The following UTS2B variants were observed in gnomAD, a reference collection of about 807,000 sequenced individuals.
The protein encoded by UTS2B is urotensin-2B.
In UTS2B, 21 loss-of-function variants were observed where a neutral mutation model predicts 19.2. That is an observed-to-expected ratio of 1.09 (90% CI 0.78 to 1.58). The LOEUF (loss-of-function observed/expected upper bound fraction) is 1.58. Ranked by LOEUF, UTS2B falls within the 40% of genes most tolerant of loss-of-function variation. UTS2B has a pLI of 0.00. For synonymous variants in UTS2B, 57 were observed against 50.2 expected, an observed-to-expected ratio of 1.14 and a Z score of -0.58; for missense variants, 138 against 130.3, an observed-to-expected ratio of 1.06 and a Z score of -0.29.
intron 3 of UTS2B, among the ~76,000 whole-genome samples, chr3:191,307,729 C>G (rs1456469560): frequency 6.6e-6 from 1 of 152,194 alleles, no homozygotes; most frequent in East Asian, 1.9e-4. Flanking sequence ...GGAATCTCCT[C>G]AAGTTTGTTC....
At chr3:191,304,844 GC>G (rs1324890122) in intron 3 of UTS2B, among the ~76,000 whole-genome samples, 1 of 151,884 alleles carries the variant, frequency 6.6e-6, no homozygotes, top group African/African-American at 2.4e-5. Context: ...CCTCCAACAG[GC>G]CCCAGTGTGT....
intron 4 of UTS2B, among the ~76,000 whole-genome samples, chr3:191,284,293 G>C (rs1468714843): frequency 6.6e-6 from 1 of 151,890 alleles, no homozygotes; most frequent in Non-Finnish European, 1.5e-5. Context: ...ACTGTCTTTT[G>C]ATAAGGTTGA....
At chr3:191,300,958 A>C (rs1310119200) in intron 4 of UTS2B, among the ~76,000 whole-genome samples, 1 of 152,224 alleles carries the variant, frequency 6.6e-6, no homozygotes, top group Non-Finnish European at 1.5e-5. Context: ...TCAGGTATTT[A>C]TTTATAGCAG....
intron 3 of UTS2B, among the ~76,000 whole-genome samples, chr3:191,305,835 T>C (rs992377576): frequency 6.6e-6 from 1 of 152,216 alleles, no homozygotes; most frequent in Non-Finnish European, 1.5e-5. Flanking sequence ...TGAGTTAATT[T>C]TTGTGTACGC....
intron 8 of UTS2B, among the ~76,000 whole-genome samples, chr3:191,270,748 G>T (rs143161556): frequency 0.019 from 2,944 of 152,246 alleles, 32 homozygotes; most frequent in Middle Eastern, 0.031. Flanking sequence ...GAAGTTCTCA[G>T]TCCTCATTTT....
the UTS2B span, among the ~76,000 whole-genome samples, chr3:191,340,010 A>G: frequency 1.3e-5 from 2 of 152,228 alleles, no homozygotes; most frequent in African/African-American, 2.4e-5. Context: ...CCCTAGATGA[A>G]TAGGCTTCAG....
the UTS2B span, among the ~76,000 whole-genome samples, chr3:191,341,573 A>G: frequency 6.6e-6 from 1 of 152,102 alleles, no homozygotes; most frequent in Non-Finnish European, 1.5e-5. Context: ...CATCCTCCTC[A>G]CTGGAGTCTC....
chr3:191,334,878 C>G (rs1427084003), upstream of UTS2B, among the ~76,000 whole-genome samples: 1 of 152,134 alleles, frequency 6.6e-6, no homozygotes, highest in Non-Finnish European at 1.5e-5. Flanking sequence ...AGTTAACATA[C>G]AATTTTTTAC....
chr3:191,274,373 T>A (rs1262092502), intron 8 of UTS2B, among the ~76,000 whole-genome samples: 2 of 152,234 alleles, frequency 1.3e-5, no homozygotes, highest in African/African-American at 2.4e-5. Context: ...GGAATTATTT[T>A]AAATTAAATT....
chr3:191,313,226 T>C (rs1156399226), intron 3 of UTS2B, among the ~76,000 whole-genome samples: 1 of 152,104 alleles, frequency 6.6e-6, no homozygotes, highest in Non-Finnish European at 1.5e-5. Context: ...AACTCCTGAC[T>C]ACAAGTGATC....
intron 8 of UTS2B, 59 bp downstream of exon 8, chr3:191,275,193 A>C: frequency 7.4e-7 from 1 of 1,344,888 alleles, no homozygotes; most frequent in East Asian, 2.3e-5. Flanking sequence ...TCCTCTCAGA[A>C]ATTACTGCAA....
At position 191,330,439 on chromosome 3, in the gene UTS2B, C is replaced by T. The variant is rs1007301443; in HGVS notation, c.-690G>A. The stretch of plus-strand genomic sequence containing the variant: ...CTGGCTTTAGCTGACAGCAAGTAGC[C>T]TTTTGACTTCCCTTCTCTTGTTTTT... On this transcript the variant is annotated 5_prime_UTR_variant, in exon 1 of 9. Transcript: ENST00000340524. 1 of 152,246 alleles carries T rather than the reference C, an allele frequency of 6.6e-6. No individual in the cohort carries two copies. Among genetic ancestry groups the T allele is most frequent in the Non-Finnish European group, 1.5e-5 (1 of 68,106 alleles). The allele number at this position is 152,246 out of a possible 1,614,324, so 9.4% of individuals were successfully genotyped here. A position where few individuals can be genotyped will look rare whatever the true frequency, so the allele number is the denominator to read the frequency against.
At chr3:191,279,314 G>C (rs548361464) in intron 5 of UTS2B, among the ~76,000 whole-genome samples, 3 of 151,756 alleles carry the variant, frequency 2.0e-5, no homozygotes, top group Non-Finnish European at 4.4e-5. Context: ...ATCAAATTTT[G>C]CTCAGCATCA....
chr3:191,278,261 T>C (rs1026995095), intron 5 of UTS2B, 91 bp from the exon 6 acceptor site: 16 of 643,972 alleles, frequency 2.5e-5, no homozygotes, highest in Non-Finnish European at 3.9e-5. Context: ...AATTTGTATA[T>C]TTGACAACGA....
At chr3:191,330,784 A>G (rs1223550822), upstream of UTS2B, among the ~76,000 whole-genome samples, 1 of 152,150 alleles carries the variant, frequency 6.6e-6, no homozygotes, top group African/African-American at 2.4e-5. Context: ...CAGCCCAAAA[A>G]TCTCAGGAAA....
the UTS2B span, among the ~76,000 whole-genome samples, chr3:191,340,634 T>G: frequency 6.6e-6 from 1 of 152,198 alleles, no homozygotes; most frequent in Non-Finnish European, 1.5e-5. Flanking sequence ...TTTCTAATCT[T>G]GGACATTCAG....
At chr3:191,272,659 G>A (rs13065460) in intron 8 of UTS2B, among the ~76,000 whole-genome samples, 5,272 of 152,098 alleles carry the variant, frequency 0.035, 91 homozygotes, top group Non-Finnish European at 0.041. Context: ...TCAGGAGTTC[G>A]AGAACAGCCT....
intron 8 of UTS2B, among the ~76,000 whole-genome samples, chr3:191,271,858 A>C (rs1447724097): frequency 1.3e-5 from 2 of 152,186 alleles, no homozygotes. Flanking sequence ...TCTTCTACTC[A>C]ATTTACTCCT....
At chr3:191,343,647 G>GT in the UTS2B span, among the ~76,000 whole-genome samples, 2 of 152,168 alleles carry the variant, frequency 1.3e-5, no homozygotes, top group African/African-American at 2.4e-5. Context: ...AAATGCAGTT[G>GT]TTTTTTAAAG....
Sources: allele counts gnomAD v4.1 joint callset (sites outside exome capture counted in the v4.1 genomes callset), GRCh38; gene constraint gnomAD v4.1.1; transcripts MANE v1.5; gene names NCBI Gene and HGNC (gene_info 2026-07-23, HGNC 2026-07-21).